DLG2: variants seen among roughly 807,000 people sequenced by gnomAD.
DLG2 encodes the protein disks large homolog 2.
DLG2 carries 45 observed loss-of-function variants against 132.5 expected under a neutral mutation model. That is an observed-to-expected ratio of 0.34 (90% CI 0.27 to 0.44). The LOEUF is 0.44. DLG2 is among the 20% of genes least tolerant of loss of function. DLG2 has a pLI of 1.00. For missense variants in DLG2, 1,045 were observed against 1,196.9 expected, an observed-to-expected ratio of 0.87 and a Z score of 1.87; for synonymous variants, 424 against 419.6, an observed-to-expected ratio of 1.01 and a Z score of -0.13.
At chr11:84,837,266 C>A (rs1028635442) in intron 6 of DLG2, among the ~76,000 whole-genome samples, 6 of 151,768 alleles carry the variant, frequency 4.0e-5, no homozygotes. Context: ...CAGAATTTCA[C>A]CTTGCTTCTC....
At chr11:84,662,394 C>A (rs989254237) in intron 6 of DLG2, among the ~76,000 whole-genome samples, 1 of 151,572 alleles carries the variant, frequency 6.6e-6, no homozygotes. Context: ...AGGCTGGTCT[C>A]GAACTCCCGA....
At chr11:85,374,105 A>G (rs754217199) in intron 3 of DLG2, among the ~76,000 whole-genome samples, 7 of 152,198 alleles carry the variant, frequency 4.6e-5, no homozygotes, top group Admixed American at 1.3e-4. Context: ...TGCTTTGTGC[A>G]AGGAATTATA....
At chr11:84,271,583 C>T (rs573425478) in intron 7 of DLG2, among the ~76,000 whole-genome samples, 6 of 152,260 alleles carry the variant, frequency 3.9e-5, no homozygotes, top group South Asian at 4.1e-4. Context: ...AAATTGGAGA[C>T]GCTTGTTGGT....
At chr11:84,885,718 A>G (rs1035264271) in intron 6 of DLG2, among the ~76,000 whole-genome samples, 1 of 152,060 alleles carries the variant, frequency 6.6e-6, no homozygotes, top group Non-Finnish European at 1.5e-5. Flanking sequence ...GTATTCATGA[A>G]ATGTGGCTCC....
intron 6 of DLG2, among the ~76,000 whole-genome samples, chr11:84,597,839 T>A (rs144605396): frequency 6.6e-6 from 1 of 152,154 alleles, no homozygotes; most frequent in Non-Finnish European, 1.5e-5. Flanking sequence ...TTCTTGCCAT[T>A]TGAAACCATA....
chr11:84,393,228 A>T (rs2098799080), intron 7 of DLG2, among the ~76,000 whole-genome samples: 4 of 152,166 alleles, frequency 2.6e-5, no homozygotes, highest in African/African-American at 7.2e-5. Context: ...ACATGAAGAA[A>T]AACTTGTATA....
intron 3 of DLG2, among the ~76,000 whole-genome samples, chr11:85,389,068 G>T (rs1220342612): frequency 6.6e-6 from 1 of 152,064 alleles, no homozygotes; most frequent in Non-Finnish European, 1.5e-5. Context: ...GGAGGTACCA[G>T]AGAAAGGTGA....
At chr11:84,653,174 C>T (rs1030466045) in intron 6 of DLG2, among the ~76,000 whole-genome samples, 1 of 152,182 alleles carries the variant, frequency 6.6e-6, no homozygotes, top group South Asian at 2.1e-4. Flanking sequence ...AAGTGATCTT[C>T]CTGCCTGGGC....
Position 84,327,112 on chromosome 11 carries a change from C to CTTT in DLG2, c.520-75824_520-75822dup, listed in dbSNP as rs11290540. The stretch of plus-strand genomic sequence containing the variant: ...CTTATAGACAACATATAATGAGAAT[C>CTTT]TTTTTTTTTTTTTTTTTTTTTTGAG... On this transcript the variant is annotated intron_variant, in intron 7 of 27. Coordinates refer to ENST00000376104, the MANE Select transcript of DLG2 (RefSeq NM_001142699.3). Among the ~76,000 whole-genome samples, 213 of 118,972 alleles carry CTTT rather than the reference C, an allele frequency of 1.8e-3. 1 individual carries two copies. Among genetic ancestry groups the CTTT allele is most frequent in the Non-Finnish European group, 2.2e-3 (129 of 57,494 alleles). 78.1% of individuals were successfully genotyped at this position (118,972 alleles called of 152,430 possible).
At chr11:85,308,212 G>T (rs2080089463) in intron 3 of DLG2, among the ~76,000 whole-genome samples, 1 of 125,760 alleles carries the variant, frequency 8.0e-6, no homozygotes, top group African/African-American at 3.0e-5. Context: ...AGAAAGAAAA[G>T]GTAACAACTC....
At chr11:83,930,765 A>C (rs952618260) in intron 14 of DLG2, among the ~76,000 whole-genome samples, 1 of 152,156 alleles carries the variant, frequency 6.6e-6, no homozygotes, top group African/African-American at 2.4e-5. Flanking sequence ...CTTATAAGGA[A>C]GCTCGTTTAG....
chr11:83,993,066 G>A (rs1221674221), intron 11 of DLG2, among the ~76,000 whole-genome samples: 1 of 152,052 alleles, frequency 6.6e-6, no homozygotes, highest in Admixed American at 6.6e-5. Context: ...GTAATTCTCA[G>A]AAGTCTAGAT....
intron 3 of DLG2, among the ~76,000 whole-genome samples, chr11:85,481,162 C>T (rs2093278987): frequency 6.6e-6 from 1 of 152,140 alleles, no homozygotes; most frequent in South Asian, 2.1e-4. Context: ...CATTCAGTTT[C>T]CTTCTGGAAA....
At chr11:85,331,525 G>A (rs953733386) in intron 3 of DLG2, among the ~76,000 whole-genome samples, 1 of 152,016 alleles carries the variant, frequency 6.6e-6, no homozygotes, top group Non-Finnish European at 1.5e-5. Context: ...TGGGTAAATT[G>A]CATGCCACTG....
intron 3 of DLG2, among the ~76,000 whole-genome samples, chr11:85,595,305 C>T (rs2079668671): frequency 6.6e-6 from 1 of 151,862 alleles, no homozygotes; most frequent in Admixed American, 6.6e-5. Flanking sequence ...TATTAATGAA[C>T]ACTGATTATT....
intron 6 of DLG2, among the ~76,000 whole-genome samples, chr11:84,605,099 A>G (rs2099583081): frequency 6.6e-6 from 1 of 151,942 alleles, no homozygotes; most frequent in Non-Finnish European, 1.5e-5. Flanking sequence ...AATATAATTC[A>G]TCATTTTGGA....
At chr11:85,052,772 G>A (rs1156465813) in intron 6 of DLG2, among the ~76,000 whole-genome samples, 1 of 152,122 alleles carries the variant, frequency 6.6e-6, no homozygotes, top group African/African-American at 2.4e-5. Flanking sequence ...ATTTGGGAAG[G>A]TCTAAGAATC....
rs543139087 is a variant in DLG2 at position 84,408,964 on chromosome 11, G to T, written c.519+125606C>A. 2.0e-5 allele frequency among the ~76,000 whole-genome samples: 3 copies of T among 152,178 alleles called. No homozygotes were observed. In the East Asian group the frequency reaches 5.8e-4, roughly 29 times the overall value. On this transcript the variant is annotated intron_variant, in intron 7 of 27. Transcript: ENST00000376104. The stretch of plus-strand genomic sequence containing the variant: ...TCCACACTGCTGACAGAACGATCCT[G>T]CTGCTAATCTGATCACATCACTCTA...
chr11:85,516,501 T>G (rs1374860340), intron 3 of DLG2, among the ~76,000 whole-genome samples: 1 of 152,042 alleles, frequency 6.6e-6, no homozygotes, highest in Non-Finnish European at 1.5e-5. Context: ...ATGAAAAGTT[T>G]GTTTTCTGTA....
Sources: gnomAD v4.1 joint callset for allele counts (sites outside exome capture counted in the v4.1 genomes callset) on GRCh38, gnomAD v4.1.1 for gene constraint, MANE v1.5 for transcripts, NCBI Gene and HGNC (gene_info 2026-07-23, HGNC 2026-07-21) for gene names.